The following IL1RAPL2 variants were observed in gnomAD, a reference collection of about 807,000 sequenced individuals.
IL1RAPL2 encodes X-linked interleukin-1 receptor accessory protein-like 2.
A neutral mutation model predicts 44.1 loss-of-function variants in IL1RAPL2; 3 were observed. The ratio of observed to expected loss-of-function variants is 0.07; its 90% CI spans 0.03 to 0.18. The LOEUF (loss-of-function observed/expected upper bound fraction) is 0.18, where lower values mean the gene tolerates loss of function less well. Among genes scored for constraint, IL1RAPL2 ranks in the 10% least tolerant of loss-of-function variants. IL1RAPL2 has a pLI of 1.00. For missense variants in IL1RAPL2, 391 were observed against 496.4 expected (o/e 0.79, Z 2.02); for synonymous variants, 181 against 178.8 (o/e 1.01, Z -0.10).
chrX:104,828,118 G>A (rs1465626144), intron 2 of IL1RAPL2, among the ~76,000 whole-genome samples: 2 of 111,550 alleles, frequency 1.8e-5, no homozygotes, highest in Non-Finnish European at 1.9e-5. Context: ...CTTCTGAAGC[G>A]TACTTCTGTC....
At chrX:105,400,974 G>A (rs748823424) in intron 5 of IL1RAPL2, among the ~76,000 whole-genome samples, 2 of 111,777 alleles carry the variant, frequency 1.8e-5, no homozygotes, top group Non-Finnish European at 3.8e-5. Context: ...ACCAGGTTTG[G>A]TAATTCTGAT....
chrX:105,175,086 A>G (rs935763857), intron 2 of IL1RAPL2, among the ~76,000 whole-genome samples: 1 of 111,486 alleles, frequency 9.0e-6, no homozygotes, highest in African/African-American at 3.3e-5. Context: ...TAAATGAGTC[A>G]ATGAATGTAA....
intron 2 of IL1RAPL2, among the ~76,000 whole-genome samples, chrX:104,847,369 A>G (rs1342884725): frequency 9.0e-6 from 1 of 111,625 alleles, no homozygotes; most frequent in Admixed American, 9.5e-5. Context: ...TAATTTTTGT[A>G]TAAGGTGTAA....
At chrX:105,631,304 A>G (rs151146350) in intron 6 of IL1RAPL2, among the ~76,000 whole-genome samples, 21 of 112,158 alleles carry the variant, frequency 1.9e-4, no homozygotes, top group African/African-American at 6.5e-4. Flanking sequence ...CATCTGGTAC[A>G]TCTGGTGAAA....
intron 6 of IL1RAPL2, among the ~76,000 whole-genome samples, chrX:105,615,430 A>G (rs979632476): frequency 3.6e-5 from 4 of 112,320 alleles, no homozygotes; most frequent in Non-Finnish European, 7.5e-5. Context: ...GAAGCAACCT[A>G]AGTGTCCATC....
At chrX:105,114,905 T>C (rs1267924375) in intron 2 of IL1RAPL2, among the ~76,000 whole-genome samples, 1 of 111,427 alleles carries the variant, frequency 9.0e-6, no homozygotes, top group East Asian at 2.8e-4. Flanking sequence ...CTAGGATTAG[T>C]GTGAGGATTA....
intron 2 of IL1RAPL2, among the ~76,000 whole-genome samples, chrX:105,033,863 A>G (rs1163340394): frequency 4.5e-5 from 5 of 111,994 alleles, no homozygotes; most frequent in Middle Eastern, 4.7e-3. Flanking sequence ...AGGTACACCA[A>G]TCAGACATAG....
chrX:105,116,900 C>G (rs2032868217), intron 2 of IL1RAPL2, among the ~76,000 whole-genome samples: 1 of 111,883 alleles, frequency 8.9e-6, no homozygotes, highest in Non-Finnish European at 1.9e-5. Context: ...AGGATAATTT[C>G]AGTTTCACCT....
Position 105,444,687 on chromosome X carries a change from G to A in IL1RAPL2, c.698-39626G>A, listed in dbSNP as rs541491184. Among the ~76,000 whole-genome samples, 13 of 111,189 alleles carry A rather than the reference G, an allele frequency of 1.2e-4. No homozygotes were observed. In the South Asian group the frequency reaches 4.9e-3, roughly 42 times the overall value. ...AAGTTACAGGATACAAGTGCAGAAT[G>A]TGTAGGTTTGTTACATAGGTATACC... is the stretch of plus-strand genomic sequence containing the variant. On this transcript the variant is annotated intron_variant, in intron 5 of 10. Transcript: ENST00000372582.
At chrX:104,955,172 A>G (rs1483646130) in intron 2 of IL1RAPL2, among the ~76,000 whole-genome samples, 1 of 111,595 alleles carries the variant, frequency 9.0e-6, no homozygotes, top group Non-Finnish European at 1.9e-5. Flanking sequence ...CCAATCTTCA[A>G]TCTGGTCTGG....
intron 2 of IL1RAPL2, among the ~76,000 whole-genome samples, chrX:105,060,812 T>G (rs1016869767): frequency 3.6e-5 from 4 of 110,463 alleles, no homozygotes; most frequent in African/African-American, 1.3e-4. Context: ...CATTTTCTTC[T>G]AGATTTTTTA....
At chrX:105,604,899 AG>A (rs1267417317) in intron 6 of IL1RAPL2, among the ~76,000 whole-genome samples, 1 of 111,327 alleles carries the variant, frequency 9.0e-6, no homozygotes, top group Non-Finnish European at 1.9e-5. Context: ...TCACCTCAGT[AG>A]GTGCAGAAAA....
intron 2 of IL1RAPL2, among the ~76,000 whole-genome samples, chrX:104,842,646 G>T (rs771669616): frequency 1.8e-5 from 2 of 112,204 alleles, no homozygotes; most frequent in East Asian, 5.7e-4. Flanking sequence ...TAACAGTCAG[G>T]CCCCTCTTCT....
chrX:105,199,362 G>T (rs1457964860), intron 3 of IL1RAPL2, among the ~76,000 whole-genome samples: 1 of 105,196 alleles, frequency 9.5e-6, no homozygotes, highest in Non-Finnish European at 1.9e-5. Flanking sequence ...GATGCTCCAG[G>T]TTTATCTTAT....
chrX:105,425,354 A>G (rs767165896), intron 5 of IL1RAPL2, among the ~76,000 whole-genome samples: 1 of 111,001 alleles, frequency 9.0e-6, no homozygotes, highest in Non-Finnish European at 1.9e-5. Context: ...GGAAACAAAG[A>G]CGATGAGAGT....
intron 2 of IL1RAPL2, among the ~76,000 whole-genome samples, chrX:105,043,867 T>C (rs920229700): frequency 8.9e-6 from 1 of 112,159 alleles, no homozygotes; most frequent in African/African-American, 3.2e-5. Context: ...AGCAAAGGTT[T>C]GTCTCTTAAA....
chrX:104,795,816 G>C (rs926323448), intron 2 of IL1RAPL2, among the ~76,000 whole-genome samples: 2 of 112,076 alleles, frequency 1.8e-5, no homozygotes, highest in Admixed American at 9.5e-5. Flanking sequence ...CAGACACAAG[G>C]ATGTCATCTT....
intron 2 of IL1RAPL2, among the ~76,000 whole-genome samples, chrX:105,035,009 C>G (rs939442519): frequency 2.0e-5 from 1 of 49,729 alleles, no homozygotes; most frequent in Non-Finnish European, 3.5e-5. Context: ...TAGCAATCAG[C>G]GAGACACTGT....
intron 2 of IL1RAPL2, among the ~76,000 whole-genome samples, chrX:105,142,650 T>C (rs1329755115): frequency 9.1e-6 from 1 of 110,236 alleles, no homozygotes; most frequent in Admixed American, 9.7e-5. Context: ...TATTATACTT[T>C]AAGTTTTAGG....
Sources: gnomAD v4.1 joint callset for allele counts (sites outside exome capture counted in the v4.1 genomes callset) on GRCh38, gnomAD v4.1.1 for gene constraint, MANE v1.5 for transcripts, NCBI Gene and HGNC (gene_info 2026-07-23, HGNC 2026-07-21) for gene names.